The following DNAH11 variants were observed in gnomAD, a reference collection of about 807,000 sequenced individuals.
The protein encoded by DNAH11 is axonemal beta dynein heavy chain 11.
In DNAH11, 442 loss-of-function variants were observed where a neutral mutation model predicts 526.0. The observed-to-expected ratio is 0.84, with a 90% confidence interval of 0.78 to 0.91. The LOEUF (loss-of-function observed/expected upper bound fraction) is 0.91, where lower values mean the gene tolerates loss of function less well. Ranked by LOEUF, DNAH11 falls within the 40% of genes least tolerant of loss-of-function variation. The probability of loss-of-function intolerance (pLI) is 0.00; values close to 1 mark genes in which losing one functional copy is unlikely to be tolerated. For synonymous variants in DNAH11, 2,461 were observed against 1,935.9 expected, an observed-to-expected ratio of 1.27 and a Z score of -7.12; for missense variants, 6,989 against 5,448.7, an observed-to-expected ratio of 1.28 and a Z score of -8.90.
chr7:21,873,783 G>GCTTTTTTTT (rs1783590341), intron 74 of DNAH11, among the ~76,000 whole-genome samples: 1 of 29,952 alleles, frequency 3.3e-5, no homozygotes, highest in Non-Finnish European at 7.2e-5. Context: ...TGAGGAGGTT[G>GCTTTTTTTT]CTTTTTTTTT....
intron 57 of DNAH11, among the ~76,000 whole-genome samples, chr7:21,782,920 AAAG>A (rs763789435): frequency 0.041 from 1,742 of 42,508 alleles, 28 homozygotes; most frequent in African/African-American, 0.12. Flanking sequence ...AAAAAAAAAA[AAAG>A]AAAGAAAGAA....
intron 68 of DNAH11, among the ~76,000 whole-genome samples, chr7:21,855,939 G>A (rs944259607): frequency 2.0e-5 from 3 of 152,100 alleles, no homozygotes; most frequent in African/African-American, 4.8e-5. Context: ...CTTTTACTGG[G>A]GGCTCAGGGA....
chr7:21,642,445 C>G (rs1003485545), intron 28 of DNAH11, among the ~76,000 whole-genome samples: 5 of 152,108 alleles, frequency 3.3e-5, no homozygotes, highest in Non-Finnish European at 7.4e-5. Context: ...ATGCTACAGG[C>G]TGTTATGCCA....
chr7:21,614,514 A>C (rs1333212035), intron 20 of DNAH11, among the ~76,000 whole-genome samples: 1 of 152,178 alleles, frequency 6.6e-6, no homozygotes, highest in African/African-American at 2.4e-5. Flanking sequence ...CAAAAGAAAA[A>C]ACATGTCAGC....
intron 44 of DNAH11, among the ~76,000 whole-genome samples, chr7:21,722,668 A>G (rs909940489): frequency 6.6e-6 from 1 of 152,018 alleles, no homozygotes; most frequent in African/African-American, 2.4e-5. Flanking sequence ...AGTGCTTTCT[A>G]AAGATTAGCA....
intron 76 of DNAH11, 50 bp from the exon 77 acceptor site, chr7:21,892,375 T>G (rs1197479876): frequency 1.9e-6 from 3 of 1,567,028 alleles, no homozygotes; most frequent in Non-Finnish European, 8.7e-7. Context: ...GAAGTGAAAA[T>G]GGATGCCTAC....
Position 21,800,787 on chromosome 7 carries a change from G to A in DNAH11, c.10027-350G>A, listed in dbSNP as rs139223049. On this transcript the variant is annotated intron_variant, in intron 61 of 81. Transcript: ENST00000409508. ...ACTGTTGTCTTTAATAAAGCTGGTT[G>A]GAGGATGAGGCTTGGGTGCAAGAGC... is the stretch of plus-strand genomic sequence containing the variant. Among the ~76,000 whole-genome samples, 714 of 152,308 alleles carry A rather than the reference G, an allele frequency of 4.7e-3. 6 individuals are homozygous for A. The highest frequency in any genetic ancestry group is 0.017 in the African/African-American group (691 of 41,568).
intron 61 of DNAH11, among the ~76,000 whole-genome samples, chr7:21,796,673 T>C (rs952988114): frequency 2.6e-5 from 4 of 152,214 alleles, no homozygotes; most frequent in African/African-American, 9.6e-5. Context: ...CATCTGAGCA[T>C]AGGCTGTGGG....
At position 21,779,057 on chromosome 7, in the gene DNAH11, G is replaced by C. The variant is rs762421117; in HGVS notation, c.9436G>C (p.Glu3146Gln). ...GATCACAAAGATCGGCCTTCAGACGGAGAAAGTGAGCCGGGAAAAGACCAT... is the reference window on the plus strand; with the variant it reads ...GATCACAAAGATCGGCCTTCAGACGCAGAAAGTGAGCCGGGAAAAGACCAT... ...ALITKIGLQTEKVSREKTIAD... is the reference protein window; with the variant it reads ...ALITKIGLQTQKVSREKTIAD... The change falls in exon 57 of 82, where the codon GAG (glutamate) becomes CAG (glutamine). Residue 3146 changes from glutamate to glutamine, a missense_variant. Coordinates refer to ENST00000409508, the MANE Select transcript of DNAH11 (RefSeq NM_001277115.2). 4 of 1,613,406 alleles carry C rather than the reference G, an allele frequency of 2.5e-6. 1 individual carries two copies. Among genetic ancestry groups the C allele is most frequent in the Admixed American group, 3.3e-5 (2 of 59,972 alleles).
At chr7:21,704,399 G>T in intron 37 of DNAH11, 35 bp from the exon 38 acceptor site, 1 of 1,573,386 alleles carries the variant, frequency 6.4e-7, no homozygotes, top group African/African-American at 1.4e-5. Flanking sequence ...GTTAGACCTT[G>T]TATTGGCTTT....
At chr7:21,766,653 T>G (rs1787198302) in intron 55 of DNAH11, among the ~76,000 whole-genome samples, 1 of 152,148 alleles carries the variant, frequency 6.6e-6, no homozygotes. Context: ...ATTTACATAT[T>G]TAATTGTTTG....
At chr7:21,546,156 A>G (rs995656086) in intron 2 of DNAH11, among the ~76,000 whole-genome samples, 2 of 152,202 alleles carry the variant, frequency 1.3e-5, no homozygotes, top group African/African-American at 2.4e-5. Flanking sequence ...ATTTATTGCT[A>G]GTTATTTACC....
intron 65 of DNAH11, among the ~76,000 whole-genome samples, chr7:21,823,648 T>C (rs1021719578): frequency 5.3e-5 from 8 of 152,262 alleles, no homozygotes; most frequent in African/African-American, 1.9e-4. Flanking sequence ...TCTTTATGCA[T>C]AAGAATCATA....
In DNAH11 at chr7:21,738,858, T is replaced by C; in HGVS notation, c.7803T>C (p.Tyr2601=). ...CCCTGATCCGGCAGCATATTGATTATGGACATTGGTAAGCAAGTCTCTGTA... is the reference window on the plus strand; with the variant it reads ...CCCTGATCCGGCAGCATATTGATTACGGACATTGGTAAGCAAGTCTCTGTA... ...PHTLIRQHID[Y]GHWYDRQKVM... Residue 2601 remains tyrosine, a synonymous_variant, in exon 47 of 82, where the codon TAT becomes TAC. Transcript: ENST00000409508. The C allele has an allele frequency of 6.3e-7, 1 of 1,595,136 alleles. No individual in the cohort carries two copies. The highest frequency in any genetic ancestry group is 8.5e-7 in the Non-Finnish European group (1 of 1,172,324).
intron 43 of DNAH11, among the ~76,000 whole-genome samples, chr7:21,720,070 A>G (rs920367802): frequency 6.6e-6 from 1 of 152,210 alleles, no homozygotes; most frequent in South Asian, 2.1e-4. Context: ...CCTGGAGAGT[A>G]TGAAGAACAC....
intron 57 of DNAH11, among the ~76,000 whole-genome samples, chr7:21,779,459 C>T (rs1787841932): frequency 6.6e-6 from 1 of 152,116 alleles, no homozygotes; most frequent in Non-Finnish European, 1.5e-5. Context: ...AATTGAACAA[C>T]TCAATTGTTA....
chr7:21,684,761 A>G (rs1000312926), intron 32 of DNAH11, among the ~76,000 whole-genome samples: 3 of 152,148 alleles, frequency 2.0e-5, no homozygotes, highest in Non-Finnish European at 4.4e-5. Flanking sequence ...TTTCCACTTG[A>G]CTCCAAGTAA....
At chr7:21,826,569 A>G (rs928686881) in intron 65 of DNAH11, among the ~76,000 whole-genome samples, 10 of 152,164 alleles carry the variant, frequency 6.6e-5, no homozygotes, top group African/African-American at 2.4e-4. Context: ...ACCTCCAACA[A>G]TGAACATTTT....
intron 14 of DNAH11, among the ~76,000 whole-genome samples, chr7:21,593,980 C>A (rs1363421926): frequency 6.6e-6 from 1 of 151,376 alleles, no homozygotes; most frequent in African/African-American, 2.4e-5. Flanking sequence ...CACATACTCT[C>A]ACACACAGTC....
Sources: allele counts gnomAD v4.1 joint callset (sites outside exome capture counted in the v4.1 genomes callset), GRCh38; gene constraint gnomAD v4.1.1; transcripts MANE v1.5; gene names NCBI Gene and HGNC (gene_info 2026-07-23, HGNC 2026-07-21).